UBR1: variants seen among roughly 807,000 people sequenced by gnomAD.
UBR1 encodes the protein E3 ubiquitin-protein ligase UBR1.
In UBR1, 102 loss-of-function variants were observed where a neutral mutation model predicts 242.1. The observed-to-expected ratio is 0.42, with a 90% confidence interval of 0.36 to 0.50. The LOEUF is 0.50. UBR1 is among the 20% of genes least tolerant of loss of function. The pLI is 0.01. For synonymous variants in UBR1, 675 were observed against 684.8 expected (o/e 0.99, Z 0.22); for missense variants, 1,772 against 2,101.8 (o/e 0.84, Z 3.07).
chr15:43,049,349 G>A (rs1164633461), intron 12 of UBR1, among the ~76,000 whole-genome samples: 2 of 152,140 alleles, frequency 1.3e-5, no homozygotes, highest in Admixed American at 6.6e-5. Flanking sequence ...GGATCACGAG[G>A]TCAGGAGATT....
chr15:43,006,612 T>A (rs1398663793), intron 30 of UBR1, among the ~76,000 whole-genome samples: 2 of 152,242 alleles, frequency 1.3e-5, no homozygotes, highest in African/African-American at 2.4e-5. Flanking sequence ...CTAAAGCAGC[T>A]AATTCCTGAT....
chr15:43,105,812 T>C, intron 1 of UBR1, 130 bp downstream of exon 1: 1 of 856,596 alleles, frequency 1.2e-6, no homozygotes, highest in Admixed American at 2.3e-5. Context: ...ATTCGGTGGC[T>C]TCCTTCCAGA....
chr15:43,083,706 T>C (rs769171806), intron 2 of UBR1, among the ~76,000 whole-genome samples: 1 of 151,916 alleles, frequency 6.6e-6, no homozygotes, highest in Non-Finnish European at 1.5e-5. Context: ...AAATATCTTA[T>C]TTAGAAGAAT....
intron 46 of UBR1, among the ~76,000 whole-genome samples, chr15:42,949,704 T>G (rs1255853960): frequency 3.3e-5 from 5 of 150,828 alleles, no homozygotes; most frequent in African/African-American, 7.3e-5. Flanking sequence ...GAGGCTGAGG[T>G]GGGAGATTCA....
At chr15:43,071,870 G>A (rs185733123) in intron 4 of UBR1, among the ~76,000 whole-genome samples, 30 of 152,174 alleles carry the variant, frequency 2.0e-4, no homozygotes, top group East Asian at 1.3e-3. Flanking sequence ...AACTACCTAG[G>A]TGGCCATAAC....
At chr15:42,984,063 G>T in intron 36 of UBR1, 70 bp from the exon 37 acceptor site, 1 of 1,296,160 alleles carries the variant, frequency 7.7e-7, no homozygotes, top group Non-Finnish European at 1.1e-6. Flanking sequence ...CCACTTAAGA[G>T]TTGGTAAAAA....
In UBR1 at chr15:42,944,029, T is replaced by C. The variant is rs2031692729; in HGVS notation, c.*1300A>G. On this transcript the variant is annotated 3_prime_UTR_variant, in exon 47 of 47. Transcript: ENST00000290650. ...TTGCCTTTGCTGAGCAAAAAGAAGG[T>C]AGGAAAACATTTACACACATATGTG... 6.6e-6 allele frequency: 1 copy of C among 152,088 alleles called. No individual in the cohort carries two copies. The highest frequency in any genetic ancestry group is 2.4e-5 in the African/African-American group (1 of 41,398). The allele number at this position is 152,088 out of a possible 1,614,324, so 9.4% of individuals were successfully genotyped here. A position where few individuals can be genotyped will look rare whatever the true frequency, so the allele number is the denominator to read the frequency against.
intron 1 of UBR1, among the ~76,000 whole-genome samples, chr15:43,101,926 C>T (rs1423595428): frequency 6.8e-6 from 1 of 146,042 alleles, no homozygotes; most frequent in Non-Finnish European, 1.5e-5. Context: ...CGAGATCTCG[C>T]CACGCACTCC....
At chr15:43,092,584 T>C (rs973435697) in intron 1 of UBR1, among the ~76,000 whole-genome samples, 16 of 152,182 alleles carry the variant, frequency 1.1e-4, no homozygotes, top group African/African-American at 3.9e-4. Flanking sequence ...AGACAGAGTC[T>C]TGCTCTGTCA....
At chr15:43,100,793 C>CCA (rs2141372721) in intron 1 of UBR1, among the ~76,000 whole-genome samples, 1 of 152,308 alleles carries the variant, frequency 6.6e-6, no homozygotes, top group East Asian at 1.9e-4. Context: ...CGAGATCGCA[C>CCA]CACGCACTCC....
intron 20 of UBR1, among the ~76,000 whole-genome samples, chr15:43,031,084 T>A (rs913739025): frequency 2.6e-5 from 4 of 152,196 alleles, no homozygotes; most frequent in Non-Finnish European, 5.9e-5. Flanking sequence ...TCTTGAAAGT[T>A]GGTAGCAAGG....
intron 3 of UBR1, among the ~76,000 whole-genome samples, chr15:43,078,395 A>G (rs2033932854): frequency 6.6e-6 from 1 of 152,168 alleles, no homozygotes; most frequent in Non-Finnish European, 1.5e-5. Context: ...CACCACTAAT[A>G]TCATCAACAA....
Position 43,050,443 on chromosome 15 carries a change from C to T in UBR1, c.1440-1952G>A, listed in dbSNP as rs542358378. On this transcript the variant is annotated intron_variant, in intron 12 of 46. Transcript: ENST00000290650. ...GAATAAGTGAGGCCGGGTGCAGTGG[C>T]TCACGCCTGTAATCCCAGCACTTTA... 2.3e-4 allele frequency among the ~76,000 whole-genome samples: 35 copies of T among 152,292 alleles called. No individual in the cohort carries two copies. The South Asian group carries it at 7.3e-3, about 32-fold the overall frequency.
Position 42,964,007 on chromosome 15 carries a change from T to C in UBR1, c.4628A>G (p.Tyr1543Cys). Residue 1543 changes from tyrosine (Y) to cysteine (C), a missense_variant, in exon 42 of 47, where the codon TAT (tyrosine) becomes TGT (cysteine). Tyr to Cys is a radical substitution (Grantham distance 194). This residue lies in a region of UBR1 where 965 missense variants were observed against 1,079.7 expected (regional missense o/e 0.89). Transcript: ENST00000290650. ...AEGEYSALCS[Y>C]LSLPTNLFLL... ...GAACAAATTTGTAGGTAAAGATAGA[T>C]AGCTACAGAGTGCACTGTACTCTCC... The C allele has an allele frequency of 2.5e-6, 4 of 1,613,594 alleles. No individual in the cohort carries two copies. Among genetic ancestry groups the C allele is most frequent in the Non-Finnish European group, 3.4e-6 (4 of 1,179,626 alleles).
intron 19 of UBR1, among the ~76,000 whole-genome samples, chr15:43,033,602 C>G (rs894094997): frequency 1.3e-5 from 2 of 152,030 alleles, no homozygotes; most frequent in African/African-American, 4.8e-5. Flanking sequence ...TGCAGTGAGC[C>G]AAGATCGAGC....
chr15:43,001,338 C>T (rs2032721858), intron 32 of UBR1, among the ~76,000 whole-genome samples: 1 of 151,458 alleles, frequency 6.6e-6, no homozygotes, highest in Non-Finnish European at 1.5e-5. Flanking sequence ...TTAGTACAGA[C>T]GGGTTTCATT....
chr15:43,081,047 T>A (rs1167643654), intron 3 of UBR1, among the ~76,000 whole-genome samples: 1 of 152,230 alleles, frequency 6.6e-6, no homozygotes, highest in Non-Finnish European at 1.5e-5. Flanking sequence ...GATCATATGA[T>A]AAAAGTATGT....
intron 12 of UBR1, among the ~76,000 whole-genome samples, chr15:43,053,916 T>C (rs2033585360): frequency 6.6e-6 from 1 of 150,390 alleles, no homozygotes. Flanking sequence ...AACCTCCACC[T>C]CCTGCGTTCA....
chr15:43,059,054 T>A, intron 9 of UBR1, 31 bp downstream of exon 9: 1 of 1,565,216 alleles, frequency 6.4e-7, no homozygotes. Context: ...CTTTGCTTCC[T>A]GACAAACAGC....
Sources: gnomAD v4.1 joint callset for allele counts (sites outside exome capture counted in the v4.1 genomes callset) on GRCh38, gnomAD v4.1.1 for gene constraint, gnomAD v4.1.1 regional missense constraint, MANE v1.5 for transcripts, NCBI Gene and HGNC (gene_info 2026-07-23, HGNC 2026-07-21) for gene names.